The following RPS24 variants were observed in gnomAD, a reference collection of about 807,000 sequenced individuals.
The protein encoded by RPS24 is ribosomal protein S24.
For missense variants in RPS24, 100 were observed against 162.5 expected (o/e 0.62, Z 2.09); for synonymous variants, 72 against 55.6 (o/e 1.30, Z -1.31).
intron 4 of RPS24, among the ~76,000 whole-genome samples, chr10:78,047,003 C>T (rs1445786901): frequency 6.6e-6 from 1 of 151,870 alleles, no homozygotes; most frequent in Non-Finnish European, 1.5e-5. Flanking sequence ...TTGAGTTGCC[C>T]AGGCTGGAGT....
chr10:78,046,122 A>C (rs1848040819), intron 4 of RPS24, among the ~76,000 whole-genome samples: 1 of 152,050 alleles, frequency 6.6e-6, no homozygotes, highest in Non-Finnish European at 1.5e-5. Context: ...ACTGGACTGA[A>C]GCTTCCCAGG....
intron 4 of RPS24, among the ~76,000 whole-genome samples, chr10:78,052,356 G>A (rs1848107777): frequency 6.6e-6 from 1 of 152,116 alleles, no homozygotes; most frequent in African/African-American, 2.4e-5. Context: ...CTTGGAAACT[G>A]CTGTCAGGGT....
At chr10:78,053,858 A>T (rs760507268) in intron 4 of RPS24, among the ~76,000 whole-genome samples, 1 of 152,186 alleles carries the variant, frequency 6.6e-6, no homozygotes, top group Non-Finnish European at 1.5e-5. Flanking sequence ...GGTGGGCAAG[A>T]TGAAGCCTGA....
intron 1 of RPS24, chr10:78,034,490 TTTTTTTTCTCCTTACC>T (rs1291595084): frequency 6.4e-6 from 1 of 155,410 alleles, no homozygotes; most frequent in Non-Finnish European, 1.4e-5. Flanking sequence ...CAGCAATCTT[TTTTTTTTCTCCTTACC>T]TTTGATCCGT....
At chr10:78,047,624 C>T (rs1848058850) in intron 4 of RPS24, among the ~76,000 whole-genome samples, 3 of 152,264 alleles carry the variant, frequency 2.0e-5, no homozygotes, top group Middle Eastern at 3.4e-3. Flanking sequence ...TTATAGGATT[C>T]GGCCCTCGTA....
downstream of RPS24, among the ~76,000 whole-genome samples, chr10:78,043,420 T>A (rs1848008256): frequency 6.6e-6 from 1 of 152,230 alleles, no homozygotes; most frequent in Non-Finnish European, 1.5e-5. Context: ...GGGATTGGAA[T>A]GCAGTCATCT....
In RPS24 at chr10:78,054,852, G is replaced by A. The variant is rs1468012425; in HGVS notation, c.712G>A (p.Gly238Ser). The change falls in exon 5 of 5, where the codon GGT (glycine) becomes AGT (serine). Residue 238 changes from glycine (G) to serine (S), a missense_variant. Coordinates refer to the RPS24 transcript ENST00000440692. The stretch of plus-strand genomic sequence containing the variant: ...TGCTGGTTCTCCCCACCCTGTGGAC[G>A]GTGACTTGGTCCTCCACTTGCCAGA... 19 of 1,551,068 alleles carry A rather than the reference G, an allele frequency of 1.2e-5. No individual in the cohort carries two copies. Among genetic ancestry groups the A allele is most frequent in the East Asian group, 2.4e-5 (1 of 40,908 alleles).
exon 5 of RPS24, chr10:78,054,737 T>C (rs1158874875): frequency 2.6e-6 from 4 of 1,551,690 alleles, no homozygotes; most frequent in Non-Finnish European, 3.5e-6. Flanking sequence ...GGAGGAAGAC[T>C]GAAAACAGAG....
At chr10:78,037,467 G>GCA (rs1847897304) in intron 4 of RPS24, 163 bp downstream of exon 4, 1 of 1,202,338 alleles carries the variant, frequency 8.3e-7, no homozygotes, top group Non-Finnish European at 1.1e-6. Context: ...AAACTATGTA[G>GCA]CATAGTGTCT....
chr10:78,043,832 G>C (rs7090135), downstream of RPS24, among the ~76,000 whole-genome samples: 18,548 of 152,080 alleles, frequency 0.12, 3,654 homozygotes, highest in African/African-American at 0.42. Context: ...AGTTGCTGTC[G>C]GTCAACTGCA....
chr10:78,055,408 AC>A (rs1848140967), exon 5 of RPS24: 1 of 170,330 alleles, frequency 5.9e-6, no homozygotes, highest in Non-Finnish European at 1.2e-5. Context: ...TCATTGCTAT[AC>A]CCCTGGCGCC....
intron 4 of RPS24, among the ~76,000 whole-genome samples, chr10:78,046,162 GT>G (rs1376635033): frequency 6.6e-6 from 1 of 152,018 alleles, no homozygotes; most frequent in Non-Finnish European, 1.5e-5. Context: ...CTGGACTGAA[GT>G]TTCTCTAAGA....
rs1472578633 is a variant in RPS24 at position 78,037,147 on chromosome 10, G to A, written c.280-47G>A. ...TTTCCCTACCAGAGTGGTGGGTAATGATTTTAATGTTTACAAGTCACCTGG... is the reference window on the plus strand; with the variant it reads ...TTTCCCTACCAGAGTGGTGGGTAATAATTTTAATGTTTACAAGTCACCTGG... On this transcript the variant is annotated intron_variant, in intron 3 of 5. Coordinates refer to ENST00000372360, the MANE Select transcript of RPS24 (RefSeq NM_033022.4). 2.6e-6 allele frequency: 4 copies of A among 1,565,830 alleles called. No individual in the cohort carries two copies. In the South Asian group the frequency reaches 4.7e-5, roughly 18 times the overall value.
At chr10:78,047,055 G>C (rs1025132315) in intron 4 of RPS24, among the ~76,000 whole-genome samples, 4 of 151,850 alleles carry the variant, frequency 2.6e-5, no homozygotes, top group Non-Finnish European at 5.9e-5. Context: ...CCGCCTCCTG[G>C]GTGCGATTCT....
chr10:78,035,486 T>A, intron 2 of RPS24, 25 bp from the exon 3 acceptor site: 2 of 1,613,470 alleles, frequency 1.2e-6, no homozygotes, highest in South Asian at 2.2e-5. Context: ...TCATACTGAA[T>A]GCTAAACTTG....
chr10:78,034,262 G>T, intron 1 of RPS24: 1 of 433,974 alleles, frequency 2.3e-6, no homozygotes, highest in Non-Finnish European at 4.2e-6. Context: ...GCGGCTTGCA[G>T]GTGATGGCAG....
downstream of RPS24, among the ~76,000 whole-genome samples, chr10:78,041,482 T>C (rs190284948): frequency 3.3e-5 from 5 of 152,358 alleles, no homozygotes; most frequent in Admixed American, 2.0e-4. Flanking sequence ...AATCTGCTAC[T>C]ACTTTGCTAG....
chr10:78,034,431 C>T (rs1159602282), intron 1 of RPS24: 2 of 168,422 alleles, frequency 1.2e-5, no homozygotes, highest in East Asian at 1.6e-4. Context: ...GGTAGTCCTG[C>T]CCTAAGTCAT....
intron 4 of RPS24, among the ~76,000 whole-genome samples, chr10:78,047,223 C>G (rs1352724808): frequency 2.0e-5 from 3 of 151,932 alleles, no homozygotes; most frequent in African/African-American, 7.3e-5. Flanking sequence ...GCCTCGGCCT[C>G]CAAAAGTGCT....
Sources: allele counts gnomAD v4.1 joint callset (sites outside exome capture counted in the v4.1 genomes callset), GRCh38; gene constraint gnomAD v4.1.1; transcripts MANE v1.5; gene names NCBI Gene and HGNC (gene_info 2026-07-23, HGNC 2026-07-21).